Variants in SYNE4 observed in about 807,000 individuals in gnomAD.
SYNE4 encodes nesprin-4.
A neutral mutation model predicts 46.9 loss-of-function variants in SYNE4; 41 were observed. That is an observed-to-expected ratio of 0.87 (90% CI 0.68 to 1.13). SYNE4 has a LOEUF of 1.13. Ranked by LOEUF, SYNE4 falls within the 50% of genes most tolerant of loss-of-function variation. The probability of loss-of-function intolerance (pLI) is 0.00; values close to 1 mark genes in which losing one functional copy is unlikely to be tolerated. For synonymous variants in SYNE4, 221 were observed against 219.5 expected, an observed-to-expected ratio of 1.01 and a Z score of -0.06; for missense variants, 492 against 514.8, an observed-to-expected ratio of 0.96 and a Z score of 0.43.
In SYNE4 at chr19:36,006,829, A is replaced by C. The variant is rs778930927; in HGVS notation, c.539T>G (p.Leu180Arg). Residue 180 changes from leucine (L) to arginine (R), a missense_variant, in exon 4 of 8, where the codon CTG (leucine) becomes CGG (arginine). Coordinates refer to ENST00000324444, the MANE Select transcript of SYNE4 (RefSeq NM_001039876.3). Reference sequence around the variant, plus strand: ...GTCTCGGTAAGCTCCCAGGGCCCGCAGGATCTGCTCCAGGGCTGCCCAGGC... The same window carrying C: ...GTCTCGGTAAGCTCCCAGGGCCCGCCGGATCTGCTCCAGGGCTGCCCAGGC... ...PRAWAALEQILRALGAYRDSI... is the reference protein window; with the variant it reads ...PRAWAALEQIRRALGAYRDSI... 10 of 1,602,366 alleles carry C rather than the reference A, an allele frequency of 6.2e-6. No individual in the cohort carries two copies. Among genetic ancestry groups the C allele is most frequent in the Non-Finnish European group, 7.7e-6 (9 of 1,175,688 alleles).
At chr19:36,006,269 A>G in intron 5 of SYNE4, 154 bp downstream of exon 5, 1 of 1,046,800 alleles carries the variant, frequency 9.6e-7, no homozygotes, top group Non-Finnish European at 1.3e-6. Flanking sequence ...CGAGAGAGAG[A>G]AACAGTGAGA....
At chr19:36,007,533 C>G (rs1323822821) in intron 2 of SYNE4, 1 of 985,050 alleles carries the variant, frequency 1.0e-6, no homozygotes, top group Admixed American at 6.2e-5. Flanking sequence ...GGACAGGGAG[C>G]GGGGCTGGGT....
chr19:36,004,980 C>T (rs530521943), intron 6 of SYNE4, among the ~76,000 whole-genome samples: 2 of 146,462 alleles, frequency 1.4e-5, no homozygotes, highest in South Asian at 2.1e-4. Context: ...CGGGCTCAAG[C>T]GATTCTCCTC....
In SYNE4 at chr19:36,008,633, T is replaced by G. The variant is rs1479309178; in HGVS notation, c.49A>C (p.Asn17His). The change falls in exon 1 of 8, where the codon AAC becomes CAC. Residue 17 changes from asparagine to histidine, a missense_variant. By Grantham distance (68) the Asn-to-His change is moderately conservative. Transcript: ENST00000324444. ...LGPRLGSEPL[N>H]HPPGAPREAD... The stretch of plus-strand genomic sequence containing the variant: ...TCTCTAGGTGCTCCCGGTGGGTGGT[T>G]GAGGGGCTCTGAGCCAAGTCTAGGG... 1 of 1,613,898 alleles carries G rather than the reference T, an allele frequency of 6.2e-7. No individual in the cohort carries two copies. The highest frequency in any genetic ancestry group is 1.1e-5 in the South Asian group (1 of 91,068).
chr19:36,003,543 AAAC>A (rs756886989), intron 7 of SYNE4, 23 bp from the exon 8 acceptor site: 1 of 1,598,490 alleles, frequency 6.3e-7, no homozygotes, highest in Non-Finnish European at 8.5e-7. Context: ...ATGCAGTGTT[AAAC>A]ATACAGGTGG....
rs149470089 is a variant in SYNE4, at chr19:36,006,665, C to T, written c.625G>A (p.Glu209Lys). 5.1e-5 allele frequency: 81 copies of T among 1,597,824 alleles called. No individual in the cohort carries two copies. The African/African-American group carries it at 7.2e-4, about 14-fold the overall frequency. The change falls in exon 5 of 8, where the codon GAG becomes AAG. Residue 209 changes from glutamate to lysine, a missense_variant. Coordinates refer to ENST00000324444, the MANE Select transcript of SYNE4 (RefSeq NM_001039876.3). ...TCCTGGTCCAGCGTGTTGGCCTCCTCGAACACCTGGGTCAAAGGACAGAGG... is the reference window on the plus strand; with the variant it reads ...TCCTGGTCCAGCGTGTTGGCCTCCTTGAACACCTGGGTCAAAGGACAGAGG... ...AQLVSYSLVF[E>K]EANTLDQDLE... is the part of the protein sequence containing the mutation.
At chr19:36,007,011 C>T in intron 3 of SYNE4, 67 bp from the exon 4 acceptor site, 1 of 1,535,762 alleles carries the variant, frequency 6.5e-7, no homozygotes, top group Non-Finnish European at 8.8e-7. Context: ...ACCCCCCTCC[C>T]CCATTTCCTA....
At chr19:36,007,007 C>T (rs999268303) in intron 3 of SYNE4, 63 bp from the exon 4 acceptor site, 2 of 1,531,854 alleles carry the variant, frequency 1.3e-6, no homozygotes, top group Non-Finnish European at 1.8e-6. Context: ...AGTTACCCCC[C>T]TCCCCCATTT....
intron 6 of SYNE4, 150 bp downstream of exon 6, chr19:36,005,183 T>C (rs1405045559): frequency 2.5e-6 from 2 of 804,800 alleles, no homozygotes; most frequent in Non-Finnish European, 1.9e-6. Context: ...CTGGTATTAC[T>C]TCAGGCTCTG....
At chr19:36,008,122 C>A in intron 2 of SYNE4, 95 bp downstream of exon 2, 1 of 1,446,602 alleles carries the variant, frequency 6.9e-7, no homozygotes, top group Non-Finnish European at 9.1e-7. Context: ...AACACCTTTC[C>A]AGAATCATCA....
At chr19:36,005,312 C>T in intron 6 of SYNE4, 21 bp downstream of exon 6, 1 of 1,612,726 alleles carries the variant, frequency 6.2e-7, no homozygotes, top group Non-Finnish European at 8.5e-7. Flanking sequence ...GAGTGCTACA[C>T]CTGGTTGAGA....
intron 1 of SYNE4, 44 bp downstream of exon 1, chr19:36,008,510 C>A (rs112235977): frequency 3.5e-5 from 57 of 1,612,126 alleles, no homozygotes; most frequent in Non-Finnish European, 4.5e-5. Context: ...CCTGCCACCA[C>A]GCCTACCCTT....
At chr19:36,005,218 C>CGTT in intron 6 of SYNE4, 115 bp downstream of exon 6, 1 of 1,032,856 alleles carries the variant, frequency 9.7e-7, no homozygotes, top group Admixed American at 2.5e-5. Context: ...TGGACCTTTC[C>CGTT]ATTACTTTTT....
chr19:36,004,607 G>A (rs905001452), intron 6 of SYNE4, among the ~76,000 whole-genome samples: 4 of 152,196 alleles, frequency 2.6e-5, no homozygotes, highest in African/African-American at 9.6e-5. Context: ...CATGATTGGT[G>A]TGACCCAGAC....
chr19:36,006,639 G>C lies in SYNE4; in HGVS notation c.651C>G (p.Asp217Glu), dbSNP rs1258747792. The C allele has an allele frequency of 6.2e-6, 10 of 1,609,074 alleles. No individual in the cohort carries two copies. Among genetic ancestry groups the C allele is most frequent in the Non-Finnish European group, 7.6e-6 (9 of 1,177,106 alleles). The change falls in exon 5 of 8, where the codon GAC becomes GAG. Residue 217 changes from aspartate (D) to glutamate (E), a missense_variant. Asp to Glu is a conservative substitution (Grantham distance 45, BLOSUM62 2). Coordinates refer to ENST00000324444, the MANE Select transcript of SYNE4 (RefSeq NM_001039876.3). ...VFEEANTLDQ[D>E]LEVEGDSDWP... is the part of the protein sequence containing the mutation. ...AGTCCGAGTCTCCCTCGACCTCCAA[G>C]TCCTGGTCCAGCGTGTTGGCCTCCT... is the stretch of plus-strand genomic sequence containing the variant.
Position 36,006,881 on chromosome 19 carries a change from C to T in SYNE4, c.487G>A (p.Gly163Arg), listed in dbSNP as rs1158094529. 4.5e-6 allele frequency: 7 copies of T among 1,567,740 alleles called. No homozygotes were observed. Among genetic ancestry groups the T allele is most frequent in the African/African-American group, 1.3e-5 (1 of 74,168 alleles). ...RVEALLAFGE[G>R]LAQRSEPRAW... Reference sequence around the variant, plus strand: ...CTGGGCTCACTCCGCTGTGCCAGCCCCTCACCAAACGCTAGCAGCGCCTCC... The same window carrying T: ...CTGGGCTCACTCCGCTGTGCCAGCCTCTCACCAAACGCTAGCAGCGCCTCC... Residue 163 changes from glycine to arginine, a missense_variant, in exon 4 of 8, where the codon GGG becomes AGG. Coordinates refer to ENST00000324444, the MANE Select transcript of SYNE4 (RefSeq NM_001039876.3).
At chr19:36,005,515 G>C (rs912849810) in intron 5 of SYNE4, 78 bp from the exon 6 acceptor site, 3 of 1,335,372 alleles carry the variant, frequency 2.2e-6, no homozygotes, top group Non-Finnish European at 3.2e-6. Flanking sequence ...GATTCTGGGG[G>C]AGCAGAGAGA....
chr19:36,006,418 C>T lies in SYNE4; in HGVS notation c.867+5G>A, dbSNP rs1976852316. 2 of 1,602,988 alleles carry T rather than the reference C, an allele frequency of 1.2e-6. No individual in the cohort carries two copies. Among genetic ancestry groups the T allele is most frequent in the Non-Finnish European group, 1.7e-6 (2 of 1,174,722 alleles). On this transcript the variant is annotated splice_donor_5th_base_variant and intron_variant, in intron 5 of 7. Coordinates refer to ENST00000324444, the MANE Select transcript of SYNE4 (RefSeq NM_001039876.3). ...AGAAGGTCCCTCAAGGGGGTCTGCTCTCACCTCAAGGCCTTGTCCCCTGCC... is the reference window on the plus strand; with the variant it reads ...AGAAGGTCCCTCAAGGGGGTCTGCTTTCACCTCAAGGCCTTGTCCCCTGCC...
rs763691888 is a variant in SYNE4, at chr19:36,006,908, C to T, written c.460G>A (p.Val154Met). 5.1e-6 allele frequency: 8 copies of T among 1,554,598 alleles called. No homozygotes were observed. Among genetic ancestry groups the T allele is most frequent in the African/African-American group, 1.4e-5 (1 of 73,440 alleles). The change falls in exon 4 of 8, where the codon GTG (valine) becomes ATG (methionine). Residue 154 changes from valine to methionine, a missense_variant. Physicochemically the swap from Val to Met is conservative, Grantham distance 21. Transcript: ENST00000324444. ...QVDLRGAAERVEALLAFGEGL... is the reference protein window; with the variant it reads ...QVDLRGAAERMEALLAFGEGL... The stretch of plus-strand genomic sequence containing the variant: ...TCACCAAACGCTAGCAGCGCCTCCA[C>T]ACGCTCAGCTGCCCCTCGTAGGTCC...
Sources: gnomAD v4.1 joint callset for allele counts (sites outside exome capture counted in the v4.1 genomes callset) on GRCh38, gnomAD v4.1.1 for gene constraint, MANE v1.5 for transcripts, NCBI Gene and HGNC (gene_info 2026-07-23, HGNC 2026-07-21) for gene names.